The following FBLN1 variants were observed in gnomAD, a reference collection of about 807,000 sequenced individuals.
The protein encoded by FBLN1 is fibulin 1, also known as fibulin-1.
A neutral mutation model predicts 89.7 loss-of-function variants in FBLN1; 34 were observed. The observed-to-expected ratio is 0.38, with a 90% CI of 0.29 to 0.50. FBLN1 has a LOEUF of 0.50. FBLN1 is among the 20% of genes least tolerant of loss of function. FBLN1 has a pLI of 0.92. For synonymous variants in FBLN1, 393 were observed against 391.3 expected (o/e 1.00, Z -0.05); for missense variants, 777 against 988.1 (o/e 0.79, Z 2.86).
intron 14 of FBLN1, among the ~76,000 whole-genome samples, chr22:45,559,965 T>G (rs1465625203): frequency 6.6e-6 from 1 of 152,200 alleles, no homozygotes; most frequent in Admixed American, 6.5e-5. Context: ...GGGGCCGTGA[T>G]TCTCTTTTTT....
In FBLN1 at chr22:45,597,111, T is replaced by C. The variant is rs1287374801; in HGVS notation, c.1973-3196T>C. Among the ~76,000 whole-genome samples, 1 of 146,988 alleles carries C rather than the reference T, an allele frequency of 6.8e-6. No homozygotes were observed. Among genetic ancestry groups the C allele is most frequent in the Admixed American group, 7.2e-5 (1 of 13,934 alleles). On this transcript the variant is annotated intron_variant, in intron 16 of 16. Transcript: ENST00000327858. This position sits in a 1 kb window ranked among gnomAD's most constrained non-coding sequence, Gnocchi z 4.2. Reference sequence around the variant, plus strand: ...TGACCTTCCCGGGCTCAAACAATTCTGCCACCTCAGCCTCCTGAGTAGCTG... The same window carrying C: ...TGACCTTCCCGGGCTCAAACAATTCCGCCACCTCAGCCTCCTGAGTAGCTG...
rs1375400807 is a variant in FBLN1 at position 45,550,420 on chromosome 22, C to G, written c.1574-72C>G. The G allele has an allele frequency of 6.2e-7, 1 of 1,609,516 alleles. No individual in the cohort carries two copies. On this transcript the variant is annotated intron_variant, in intron 13 of 16. Transcript: ENST00000327858. This position sits in a 1 kb window ranked among gnomAD's most constrained non-coding sequence, Gnocchi z 8.4. ...AACCCTAGTTGATGGGAGGCCTGGGCTCCTCCGTCTCCAGATGGGTATGGC... is the reference window on the plus strand; with the variant it reads ...AACCCTAGTTGATGGGAGGCCTGGGGTCCTCCGTCTCCAGATGGGTATGGC...
At chr22:45,539,966 G>A (rs1018430354) in intron 8 of FBLN1, among the ~76,000 whole-genome samples, 1 of 152,164 alleles carries the variant, frequency 6.6e-6, no homozygotes, top group Non-Finnish European at 1.5e-5. Context: ...TCTCTAAAGG[G>A]CTAGATGGTA....
At chr22:45,519,560 G>C (rs136719) in intron 2 of FBLN1, among the ~76,000 whole-genome samples, 1 of 150,510 alleles carries the variant, frequency 6.6e-6, no homozygotes, top group Non-Finnish European at 1.5e-5. Context: ...GGAGGCGGAG[G>C]CTGCAGTGAG....
At chr22:45,540,797 G>T (rs545601220) in intron 8 of FBLN1, among the ~76,000 whole-genome samples, 46 of 152,348 alleles carry the variant, frequency 3.0e-4, no homozygotes, top group African/African-American at 9.9e-4. Flanking sequence ...GGCACCTCCC[G>T]GGTGGGCCTG....
chr22:45,511,005 T>C (rs1334995596), intron 1 of FBLN1, among the ~76,000 whole-genome samples: 1 of 152,224 alleles, frequency 6.6e-6, no homozygotes, highest in Non-Finnish European at 1.5e-5. Flanking sequence ...CGTGTCAGCC[T>C]GGAGGAGTGT....
At chr22:45,515,642 G>A (rs908570763) in intron 1 of FBLN1, among the ~76,000 whole-genome samples, 1 of 152,136 alleles carries the variant, frequency 6.6e-6, no homozygotes. Flanking sequence ...ACCAGCACCC[G>A]GCTGTGTCTC....
At chr22:45,573,680 CAAAAAAA>C (rs60082908) in intron 14 of FBLN1, among the ~76,000 whole-genome samples, 1 of 58,942 alleles carries the variant, frequency 1.7e-5, no homozygotes, top group Non-Finnish European at 2.9e-5. Context: ...GACTCTGTCT[CAAAAAAA>C]AAAAAAAAAA....
chr22:45,526,513 C>G (rs1414619421), intron 3 of FBLN1, among the ~76,000 whole-genome samples: 2 of 151,892 alleles, frequency 1.3e-5, no homozygotes, highest in Admixed American at 1.3e-4. Flanking sequence ...TTGGAGGTGC[C>G]AGATGACGAA....
Position 45,577,253 on chromosome 22 carries a change from C to T in FBLN1, c.1972+145C>T, listed in dbSNP as rs1485242277. ...TCAGGGCCCAGCGCCGAGGCCACCA[C>T]AGCTCCCAATCGGTCTCGGCCGGAG... is the stretch of plus-strand genomic sequence containing the variant. On this transcript the variant is annotated intron_variant, in intron 16 of 16. Transcript: ENST00000327858. The surrounding 1 kb of genome is among the most constrained non-coding windows in gnomAD (Gnocchi z 6.6). The T allele has an allele frequency of 2.2e-6, 2 of 924,684 alleles. No homozygotes were observed. The highest frequency in any genetic ancestry group is 2.0e-5 in the Admixed American group (1 of 50,334). 57.3% of individuals were successfully genotyped at this position (924,684 alleles called of 1,614,324 possible). A position where few individuals can be genotyped will look rare whatever the true frequency, so the allele number is the denominator to read the frequency against.
chr22:45,551,662 GA>G (rs1189510232), intron 14 of FBLN1, among the ~76,000 whole-genome samples: 23 of 152,310 alleles, frequency 1.5e-4, no homozygotes, highest in African/African-American at 4.6e-4. Flanking sequence ...CTTGGGTTAG[GA>G]AAAAGCTGCC....
intron 14 of FBLN1, among the ~76,000 whole-genome samples, chr22:45,560,977 G>T (rs1343401077): frequency 2.0e-5 from 3 of 152,264 alleles, no homozygotes; most frequent in African/African-American, 4.8e-5. Context: ...CTGATGGGTC[G>T]GGGCGGGGAT....
intron 16 of FBLN1, among the ~76,000 whole-genome samples, chr22:45,592,777 C>G (rs1016220316): frequency 2.6e-5 from 4 of 152,164 alleles, no homozygotes; most frequent in Non-Finnish European, 2.9e-5. Context: ...ATGGGCAAGC[C>G]TGTTTGGGTC....
intron 16 of FBLN1, among the ~76,000 whole-genome samples, chr22:45,599,680 G>A (rs1294677339): frequency 6.6e-6 from 1 of 152,192 alleles, no homozygotes; most frequent in Admixed American, 6.5e-5. Context: ...CACTTTGGGA[G>A]GCCAAAGCGG....
chr22:45,533,785 G>A lies in FBLN1; in HGVS notation c.671G>A (p.Ser224Asn). ...CEDVNECITG[S>N]HSCRLGESCI... ...GATGTCAATGAATGCATCACGGGCAGCCACAGCTGCCGGCTTGGAGAATCC... is the reference window on the plus strand; with the variant it reads ...GATGTCAATGAATGCATCACGGGCAACCACAGCTGCCGGCTTGGAGAATCC... Residue 224 changes from serine to asparagine, a missense_variant, in exon 7 of 17, where the codon AGC becomes AAC. Physicochemically the swap from Ser to Asn is conservative, Grantham distance 46. Coordinates refer to ENST00000327858, the MANE Select transcript of FBLN1 (RefSeq NM_006486.3). 6.2e-7 allele frequency: 1 copy of A among 1,613,118 alleles called. No homozygotes were observed. Among genetic ancestry groups the A allele is most frequent in the Non-Finnish European group, 8.5e-7 (1 of 1,179,992 alleles).
Position 45,530,207 on chromosome 22 carries a change from T to C in FBLN1, c.485-1058T>C, listed in dbSNP as rs1391171566. 1.3e-5 allele frequency among the ~76,000 whole-genome samples: 2 copies of C among 151,958 alleles called. No homozygotes were observed. Among genetic ancestry groups the C allele is most frequent in the Non-Finnish European group, 2.9e-5 (2 of 68,018 alleles). ...TTGGCTTTTGAAATCAGAGACGACATTTTCACTTTAAACAAACCCAAACCA... is the reference window on the plus strand; with the variant it reads ...TTGGCTTTTGAAATCAGAGACGACACTTTCACTTTAAACAAACCCAAACCA... On this transcript the variant is annotated intron_variant, in intron 4 of 16. Transcript: ENST00000327858. The surrounding 1 kb of genome is among the most constrained non-coding windows in gnomAD (Gnocchi z 5.4).
intron 1 of FBLN1, among the ~76,000 whole-genome samples, chr22:45,511,854 C>T (rs1203690998): frequency 1.3e-5 from 2 of 152,192 alleles, no homozygotes; most frequent in East Asian, 3.9e-4. Context: ...GTTGCCTTCC[C>T]TGGGAACATT....
At position 45,550,362 on chromosome 22, in the gene FBLN1, G is replaced by T. The variant is rs1005241142; in HGVS notation, c.1574-130G>T. On this transcript the variant is annotated intron_variant, in intron 13 of 16. Transcript: ENST00000327858. This position sits in a 1 kb window ranked among gnomAD's most constrained non-coding sequence, Gnocchi z 8.4. Reference sequence around the variant, plus strand: ...AGGACGCTGCTCTGAAGATCAGCCAGTGGAGGGCAGGGATGGCCTGATCGC... The same window carrying T: ...AGGACGCTGCTCTGAAGATCAGCCATTGGAGGGCAGGGATGGCCTGATCGC... The T allele has an allele frequency of 2.4e-6, 3 of 1,248,580 alleles. No homozygotes were observed. Among genetic ancestry groups the T allele is most frequent in the Non-Finnish European group, 3.5e-6 (3 of 861,060 alleles). The allele number at this position is 1,248,580 out of a possible 1,614,324, so 77.3% of individuals were successfully genotyped here.
In FBLN1 at chr22:45,542,180, T is replaced by G. The variant is rs1461786077; in HGVS notation, c.1092T>G (p.Ala364=). 6.2e-7 allele frequency: 1 copy of G among 1,614,238 alleles called. No individual in the cohort carries two copies. Among genetic ancestry groups the G allele is most frequent in the Admixed American group, 1.7e-5 (1 of 60,034 alleles). The change falls in exon 10 of 17, where the codon GCT becomes GCG. Residue 364 remains alanine (A), a synonymous_variant. Coordinates refer to ENST00000327858, the MANE Select transcript of FBLN1 (RefSeq NM_006486.3). ...CVDVDECAPP[A]EPCGKGHRCV... is the part of the protein sequence containing the mutation. ...ATGTGGACGAGTGCGCGCCACCTGC[T>G]GAGCCCTGTGGGAAGGGACATCGCT...
Sources: allele counts gnomAD v4.1 joint callset (sites outside exome capture counted in the v4.1 genomes callset), GRCh38; gene constraint gnomAD v4.1.1; non-coding constraint Gnocchi (gnomAD v3.1); transcripts MANE v1.5; gene names NCBI Gene and HGNC (gene_info 2026-07-23, HGNC 2026-07-21).